The following VWC2 variants were observed in gnomAD, a reference collection of about 807,000 sequenced individuals.
The protein encoded by VWC2 is brorin.
Under a neutral mutation model 29.8 loss-of-function variants are expected in VWC2, and 14 were observed. That is an observed-to-expected ratio of 0.47 (90% CI 0.31 to 0.74). VWC2 has a LOEUF of 0.74. Among genes scored for constraint, VWC2 ranks in the 30% least tolerant of loss-of-function variants. The pLI is 0.05. For synonymous variants in VWC2, 213 were observed against 199.0 expected (o/e 1.07, Z -0.59); for missense variants, 457 against 459.8 (o/e 0.99, Z 0.05).
intron 2 of VWC2, among the ~76,000 whole-genome samples, chr7:49,799,553 T>TA (rs1227782311): frequency 1.3e-5 from 2 of 152,222 alleles, no homozygotes; most frequent in African/African-American, 4.8e-5. Flanking sequence ...GAGCCCAGCA[T>TA]GGGTGCTGGT....
At chr7:49,864,954 G>A (rs1032152039) in intron 3 of VWC2, among the ~76,000 whole-genome samples, 1 of 152,158 alleles carries the variant, frequency 6.6e-6, no homozygotes, top group African/African-American at 2.4e-5. Flanking sequence ...GACAGTTCCT[G>A]TTTGTTTTTC....
chr7:49,905,249 T>C (rs1219997591), intron 3 of VWC2, among the ~76,000 whole-genome samples: 1 of 152,010 alleles, frequency 6.6e-6, no homozygotes, highest in Non-Finnish European at 1.5e-5. Flanking sequence ...GGAAAAGGGG[T>C]AAAAGACAGT....
chr7:49,788,362 T>G (rs1220246489), intron 2 of VWC2, among the ~76,000 whole-genome samples: 6 of 152,172 alleles, frequency 3.9e-5, no homozygotes. Context: ...TTGGTCATCT[T>G]CACTTCCTGC....
intron 3 of VWC2, chr7:49,850,309 C>T (rs1342317775): frequency 2.0e-5 from 3 of 152,248 alleles, no homozygotes; most frequent in African/African-American, 4.8e-5. Flanking sequence ...TATTTTAAGT[C>T]ACATTGTTTA....
At chr7:49,864,435 A>T (rs6583394) in intron 3 of VWC2, among the ~76,000 whole-genome samples, 106,969 of 152,024 alleles carry the variant, frequency 0.7, 38,095 homozygotes, top group East Asian at 0.88. Context: ...ACCTTGGGCA[A>T]GTGCATGGTG....
intron 2 of VWC2, among the ~76,000 whole-genome samples, chr7:49,791,856 A>C (rs1403862060): frequency 6.6e-6 from 1 of 152,210 alleles, no homozygotes; most frequent in African/African-American, 2.4e-5. Context: ...CAAGCTCAAG[A>C]AGTACTGATA....
intron 2 of VWC2, among the ~76,000 whole-genome samples, chr7:49,787,640 C>T (rs1375868810): frequency 6.6e-6 from 1 of 152,216 alleles, no homozygotes; most frequent in Non-Finnish European, 1.5e-5. Flanking sequence ...TCTACCTCCA[C>T]TCGCTGTGCT....
chr7:49,799,543 G>A (rs965037267), intron 2 of VWC2, among the ~76,000 whole-genome samples: 2 of 152,260 alleles, frequency 1.3e-5, no homozygotes, highest in Admixed American at 6.5e-5. Context: ...GAGTACATAG[G>A]AGCCCAGCAT....
intron 3 of VWC2, among the ~76,000 whole-genome samples, chr7:49,851,629 G>C (rs979451205): frequency 3.3e-5 from 5 of 152,224 alleles, no homozygotes; most frequent in Admixed American, 2.0e-4. Context: ...GGAGGCCGAG[G>C]CGGGTGGATC....
rs924149161 is a variant in VWC2 at position 49,920,844 on chromosome 7, C to A, written c.*8659C>A. On this transcript the variant is annotated 3_prime_UTR_variant, in exon 4 of 4. Coordinates refer to ENST00000340652, the MANE Select transcript of VWC2 (RefSeq NM_198570.5). ...GTCTGTGTGATGCTTTACAAGGTAC[C>A]TGATGAATGTAAAATTATAGCTTTT... The A allele has an allele frequency of 4.6e-5, 7 of 151,946 alleles. No individual in the cohort carries two copies. Among genetic ancestry groups the A allele is most frequent in the African/African-American group, 1.7e-4 (7 of 41,372 alleles). 9.4% of individuals were successfully genotyped at this position (151,946 alleles called of 1,614,324 possible). A position where few individuals can be genotyped will look rare whatever the true frequency, so the allele number is the denominator to read the frequency against.
At chr7:49,901,011 C>T (rs11977762) in intron 3 of VWC2, 1 of 151,566 alleles carries the variant, frequency 6.6e-6, no homozygotes, top group Non-Finnish European at 1.5e-5. Context: ...AGAAAAAAGA[C>T]CTGACAAAAT....
At chr7:49,842,592 T>C (rs1789823822) in intron 3 of VWC2, among the ~76,000 whole-genome samples, 1 of 152,178 alleles carries the variant, frequency 6.6e-6, no homozygotes, top group Non-Finnish European at 1.5e-5. Context: ...CCTATAATCA[T>C]GTGTCAGTGA....
intron 3 of VWC2, among the ~76,000 whole-genome samples, chr7:49,861,136 C>T (rs1790636023): frequency 6.6e-6 from 1 of 152,214 alleles, no homozygotes; most frequent in Non-Finnish European, 1.5e-5. Context: ...ACAAGCATTA[C>T]AATTTCTCCA....
chr7:49,867,842 T>TA lies in VWC2; in HGVS notation c.827-44192_827-44191insA, dbSNP rs879698454. On this transcript the variant is annotated intron_variant, in intron 3 of 3. Coordinates refer to ENST00000340652, the MANE Select transcript of VWC2 (RefSeq NM_198570.5). ...TCTATTTTTTATTTTATTATTTTATTTTATTTTTTGAGGTGGAGTCTTGCC... is the reference window on the plus strand; with the variant it reads ...TCTATTTTTTATTTTATTATTTTATTATTATTTTTTGAGGTGGAGTCTTGCC... Among the ~76,000 whole-genome samples, 332 of 141,176 alleles carry TA rather than the reference T, an allele frequency of 2.4e-3. 1 individual carries two copies. Among genetic ancestry groups the TA allele is most frequent in the South Asian group, 8.0e-3 (37 of 4,606 alleles). The allele number at this position is 141,176 out of a possible 152,430, so 92.6% of individuals were successfully genotyped here.
chr7:49,779,038 GGA>G (rs58968931), intron 2 of VWC2, among the ~76,000 whole-genome samples: 43 of 149,656 alleles, frequency 2.9e-4, no homozygotes, highest in South Asian at 2.3e-3. Context: ...TTCCAGAGAG[GGA>G]GAGAGAGAGA....
intron 2 of VWC2, among the ~76,000 whole-genome samples, chr7:49,782,284 G>C (rs1788195167): frequency 6.6e-6 from 1 of 152,160 alleles, no homozygotes; most frequent in Non-Finnish European, 1.5e-5. Context: ...ACTTTGAAAA[G>C]CCTCTTGTTC....
At chr7:49,789,232 TGTGA>T (rs201320209) in intron 2 of VWC2, among the ~76,000 whole-genome samples, 2,435 of 148,540 alleles carry the variant, frequency 0.016, 31 homozygotes, top group Non-Finnish European at 0.025. Flanking sequence ...TGGGAGAGTG[TGTGA>T]AAGAGTGTAG....
intron 3 of VWC2, among the ~76,000 whole-genome samples, chr7:49,823,196 T>C (rs558307605): frequency 4.1e-4 from 62 of 152,304 alleles, no homozygotes; most frequent in African/African-American, 1.5e-3. Context: ...AATGGTAGGA[T>C]ATCACACAAG....
chr7:49,806,999 G>A (rs1028306471), intron 3 of VWC2, among the ~76,000 whole-genome samples: 1 of 152,126 alleles, frequency 6.6e-6, no homozygotes, highest in African/African-American at 2.4e-5. Context: ...CTGTATTTCT[G>A]TATACCAGAA....
Sources: allele counts gnomAD v4.1 joint callset (sites outside exome capture counted in the v4.1 genomes callset), GRCh38; gene constraint gnomAD v4.1.1; transcripts MANE v1.5; gene names NCBI Gene and HGNC (gene_info 2026-07-23, HGNC 2026-07-21).